The following NEDD9 variants were observed in gnomAD, a reference collection of about 807,000 sequenced individuals.
NEDD9 encodes enhancer of filamentation 1.
A neutral mutation model predicts 76.6 loss-of-function variants in NEDD9; 26 were observed. The observed-to-expected ratio is 0.34, with a 90% CI of 0.25 to 0.47. The LOEUF (loss-of-function observed/expected upper bound fraction) is 0.47. Among genes scored for constraint, NEDD9 ranks in the 20% least tolerant of loss-of-function variants. NEDD9 has a pLI of 1.00. For missense variants in NEDD9, 937 were observed against 1,058.5 expected (o/e 0.89, Z 1.59); for synonymous variants, 392 against 414.2 (o/e 0.95, Z 0.65).
intron 1 of NEDD9, among the ~76,000 whole-genome samples, chr6:11,379,296 C>G (rs928482347): frequency 6.6e-6 from 1 of 152,082 alleles, no homozygotes; most frequent in African/African-American, 2.4e-5. Flanking sequence ...TTTAAATTAA[C>G]TCACTTTTGG....
chr6:11,191,891 G>A (rs1462820512), intron 4 of NEDD9, among the ~76,000 whole-genome samples: 2 of 152,168 alleles, frequency 1.3e-5, no homozygotes, highest in African/African-American at 2.4e-5. Context: ...TGTGGTCCCA[G>A]CTACTTGGGA....
chr6:11,330,891 C>T (rs540168307), intron 2 of NEDD9, among the ~76,000 whole-genome samples: 66 of 152,290 alleles, frequency 4.3e-4, no homozygotes, highest in Non-Finnish European at 6.8e-4. Context: ...CCTAGCACTG[C>T]TTTAGGGTCT....
chr6:11,296,389 G>A (rs1369385590), intron 3 of NEDD9, among the ~76,000 whole-genome samples: 1 of 152,186 alleles, frequency 6.6e-6, no homozygotes, highest in Non-Finnish European at 1.5e-5. Context: ...AATGAAGCAG[G>A]ATGGTAATTC....
At position 11,190,697 on chromosome 6, in the gene NEDD9, G is replaced by A. The variant is rs771931792; in HGVS notation, c.1172C>T (p.Ser391Leu). 2.5e-6 allele frequency: 4 copies of A among 1,614,056 alleles called. No individual in the cohort carries two copies. Among genetic ancestry groups the A allele is most frequent in the Admixed American group, 1.7e-5 (1 of 60,008 alleles). The part of the protein sequence containing the change: ...STSSTSSKES[S>L]LSASPAQDKR... ...GTCCTGAGCTGGGGAGGCTGACAGT[G>A]AGGACTCCTTGGAGGAGGTGGAAGA... Residue 391 changes from serine to leucine, a missense_variant, in exon 5 of 7, where the codon TCA becomes TTA. Ser to Leu is a moderately radical substitution (Grantham distance 145). Transcript: ENST00000379446. The surrounding 1 kb of genome is among the most constrained non-coding windows in gnomAD (Gnocchi z 5.8).
chr6:11,348,760 T>C (rs142393555), intron 1 of NEDD9, among the ~76,000 whole-genome samples: 4 of 152,276 alleles, frequency 2.6e-5, no homozygotes, highest in African/African-American at 7.2e-5. Context: ...TTATACTATA[T>C]ACAAAAATCA....
At chr6:11,228,256 T>C (rs7752447) in intron 1 of NEDD9, among the ~76,000 whole-genome samples, 4,055 of 151,866 alleles carry the variant, frequency 0.027, 172 homozygotes, top group African/African-American at 0.093. Context: ...AAAGGCCGGG[T>C]GCGGTGGCTC....
intron 1 of NEDD9, chr6:11,214,197 T>A: frequency 1.9e-6 from 1 of 518,686 alleles, no homozygotes; most frequent in Non-Finnish European, 3.8e-6. Context: ...ACAAATAGCA[T>A]TTATATTTGG....
At chr6:11,378,242 C>A (rs1763000053) in intron 1 of NEDD9, among the ~76,000 whole-genome samples, 1 of 151,674 alleles carries the variant, frequency 6.6e-6, no homozygotes, top group Non-Finnish European at 1.5e-5. Context: ...GATTCTGTCT[C>A]AAAAAAAAGA....
chr6:11,198,119 T>C lies in NEDD9; in HGVS notation c.460-4427A>G, dbSNP rs185407758. Among the ~76,000 whole-genome samples the C allele has an allele frequency of 6.6e-6, 1 of 152,144 alleles. No individual in the cohort carries two copies. Among genetic ancestry groups the C allele is most frequent in the Non-Finnish European group, 1.5e-5 (1 of 68,016 alleles). ...TCCTTCTACCGAAAGAGGGAAGACA[T>C]TGCGCCCTGTGTTGCCAGATCTTTC... On this transcript the variant is annotated intron_variant, in intron 2 of 6. Transcript: ENST00000379446. The surrounding 1 kb of genome is among the most constrained non-coding windows in gnomAD (Gnocchi z 4.7).
chr6:11,244,317 T>C (rs138927802), intron 3 of NEDD9, among the ~76,000 whole-genome samples: 1 of 152,252 alleles, frequency 6.6e-6, no homozygotes, highest in East Asian at 1.9e-4. Context: ...ACACATGTCC[T>C]GGAGAACCCT....
chr6:11,291,128 G>A (rs1453972382), intron 3 of NEDD9, among the ~76,000 whole-genome samples: 2 of 152,144 alleles, frequency 1.3e-5, no homozygotes, highest in Non-Finnish European at 2.9e-5. Flanking sequence ...AGAACAGTGT[G>A]TTGTGCTGAG....
At chr6:11,323,798 G>A (rs1443585202) in intron 2 of NEDD9, among the ~76,000 whole-genome samples, 2 of 152,220 alleles carry the variant, frequency 1.3e-5, no homozygotes, top group African/African-American at 2.4e-5. Flanking sequence ...AGGTCCTGGC[G>A]TCCTGCTCAT....
At chr6:11,298,485 A>G (rs1164776770) in intron 3 of NEDD9, among the ~76,000 whole-genome samples, 4 of 152,232 alleles carry the variant, frequency 2.6e-5, no homozygotes, top group African/African-American at 9.6e-5. Context: ...GTTGAGAATC[A>G]GCATGTATTG....
At chr6:11,329,540 A>C (rs185412607) in intron 2 of NEDD9, among the ~76,000 whole-genome samples, 3 of 152,256 alleles carry the variant, frequency 2.0e-5, no homozygotes, top group Admixed American at 1.3e-4. Context: ...TTGGCTATAA[A>C]TGTTACTCTG....
chr6:11,249,733 T>C (rs1416541809), intron 3 of NEDD9, among the ~76,000 whole-genome samples: 1 of 152,222 alleles, frequency 6.6e-6, no homozygotes, highest in Non-Finnish European at 1.5e-5. Flanking sequence ...TAAATGTACA[T>C]GTGCCAGGTT....
In NEDD9 at chr6:11,346,485, C is replaced by CCCG. The variant is rs1554134770; in HGVS notation, c.-213-11925_-213-11924insCGG. Among the ~76,000 whole-genome samples the CCCG allele has an allele frequency of 8.7e-4, 132 of 150,972 alleles. 2 individuals are homozygous for CCCG. The highest frequency in any genetic ancestry group is 3.1e-3 in the African/African-American group (129 of 41,422). ...TATAAGAAGGCTCGGAGGCCCCCCC[C>CCCG]CCCGAGGTGAGTGGAAAGCCCTCTC... is the stretch of plus-strand genomic sequence containing the variant. On this transcript the variant is annotated intron_variant, in intron 1 of 3. Transcript: ENST00000397378.
intron 2 of NEDD9, among the ~76,000 whole-genome samples, chr6:11,195,369 T>G (rs954450078): frequency 5.3e-5 from 8 of 152,216 alleles, no homozygotes; most frequent in Admixed American, 3.3e-4. Context: ...GAATGGCCAC[T>G]GTATTGTGCA....
chr6:11,344,674 G>T (rs143570473), intron 1 of NEDD9, among the ~76,000 whole-genome samples: 1 of 152,320 alleles, frequency 6.6e-6, no homozygotes, highest in East Asian at 1.9e-4. Flanking sequence ...TCTGCTTGGT[G>T]CTGTGTCCAG....
chr6:11,192,298 G>GAC (rs763472046), intron 4 of NEDD9, 47 bp downstream of exon 4: 95 of 607,306 alleles, frequency 1.6e-4, no homozygotes, highest in East Asian at 3.4e-4. Flanking sequence ...CCGACACACA[G>GAC]ACACACACAC....
Sources: gnomAD v4.1 joint callset for allele counts (sites outside exome capture counted in the v4.1 genomes callset) on GRCh38, gnomAD v4.1.1 for gene constraint, Gnocchi (gnomAD v3.1) non-coding constraint, MANE v1.5 for transcripts, NCBI Gene and HGNC (gene_info 2026-07-23, HGNC 2026-07-21) for gene names.